The following EXOSC7 variants were observed in gnomAD, a reference collection of about 807,000 sequenced individuals.
EXOSC7 encodes the protein exosome component 7, also known as exosome complex component RRP42.
EXOSC7 carries 25 observed loss-of-function variants against 34.3 expected under a neutral mutation model. The observed-to-expected ratio is 0.73, with a 90% confidence interval of 0.53 to 1.02. EXOSC7 has a LOEUF of 1.02. Among genes scored for constraint, EXOSC7 ranks in the 50% least tolerant of loss-of-function variants. The probability of loss-of-function intolerance (pLI) is 0.00; values close to 1 mark genes in which losing one functional copy is unlikely to be tolerated. For synonymous variants in EXOSC7, 130 were observed against 143.0 expected (o/e 0.91, Z 0.65); for missense variants, 370 against 368.5 (o/e 1.00, Z -0.03).
intron 4 of EXOSC7, among the ~76,000 whole-genome samples, chr3:45,000,331 TAC>T (rs1491189306): frequency 6.6e-6 from 1 of 152,216 alleles, no homozygotes; most frequent in Non-Finnish European, 1.5e-5. Context: ...TGAACAAAAC[TAC>T]AGAGTCCCAG....
chr3:45,003,350 CGT>C (rs1172295091), intron 5 of EXOSC7, among the ~76,000 whole-genome samples: 3 of 16,980 alleles, frequency 1.8e-4, no homozygotes, highest in Non-Finnish European at 2.9e-4. Context: ...TGCGTGCGTG[CGT>C]GTGTGTGTGT....
chr3:44,986,715 C>G (rs545565891), intron 1 of EXOSC7, among the ~76,000 whole-genome samples: 79 of 152,324 alleles, frequency 5.2e-4, no homozygotes, highest in Non-Finnish European at 9.3e-4. Context: ...ACAGGACCTT[C>G]CACCTGATTT....
chr3:44,991,868 A>G (rs1706583322), intron 3 of EXOSC7, among the ~76,000 whole-genome samples: 1 of 152,106 alleles, frequency 6.6e-6, no homozygotes, highest in South Asian at 2.1e-4. Context: ...TTGATTTCTC[A>G]AGATGGACAG....
At chr3:45,005,707 C>T (rs530639870) in intron 6 of EXOSC7, among the ~76,000 whole-genome samples, 1 of 152,258 alleles carries the variant, frequency 6.6e-6, no homozygotes, top group South Asian at 2.1e-4. Context: ...TTCACTAAAG[C>T]ACCATGTCTT....
rs773302886 is a variant in EXOSC7 at position 44,995,128 on chromosome 3, A to G, written c.255-1959A>G. ...CTCCTAAGTAGCTGGGATTACAGGC[A>G]TGTGCCACCACGCCCAGATAATTTT... On this transcript the variant is annotated intron_variant, in intron 3 of 7. Coordinates refer to ENST00000265564, the MANE Select transcript of EXOSC7 (RefSeq NM_015004.4). Among the ~76,000 whole-genome samples the G allele has an allele frequency of 8.5e-4, 129 of 152,188 alleles. 1 individual carries two copies. Among genetic ancestry groups the G allele is most frequent in the Non-Finnish European group, 1.5e-3 (105 of 68,020 alleles).
chr3:44,989,611 C>G lies in EXOSC7; in HGVS notation c.221C>G (p.Pro74Arg), dbSNP rs749140877. The G allele has an allele frequency of 1.9e-6, 3 of 1,613,948 alleles. No individual in the cohort carries two copies. The South Asian group carries it at 3.3e-5, about 18-fold the overall frequency. ...AEMGTPKLEK[P>R]NEGYLEFFVD... is the part of the protein sequence containing the mutation. Reference sequence around the variant, plus strand: ...ATGGGGACGCCGAAGCTGGAGAAACCAAATGAAGGCTACTTGGAGTTCTTT... The same window carrying G: ...ATGGGGACGCCGAAGCTGGAGAAACGAAATGAAGGCTACTTGGAGTTCTTT... Residue 74 changes from proline (P) to arginine (R), a missense_variant, in exon 3 of 8, where the codon CCA (proline) becomes CGA (arginine). Coordinates refer to ENST00000265564, the MANE Select transcript of EXOSC7 (RefSeq NM_015004.4).
chr3:44,982,635 A>C (rs1371416313), intron 1 of EXOSC7, among the ~76,000 whole-genome samples: 1 of 152,152 alleles, frequency 6.6e-6, no homozygotes, highest in Non-Finnish European at 1.5e-5. Context: ...GAAGAGGGAG[A>C]TCAGGGCCTC....
intron 4 of EXOSC7, among the ~76,000 whole-genome samples, chr3:44,998,552 G>A (rs1341990656): frequency 6.6e-6 from 1 of 152,198 alleles, no homozygotes; most frequent in Non-Finnish European, 1.5e-5. Context: ...GGAGATCTGT[G>A]AACTGATGGT....
intron 4 of EXOSC7, among the ~76,000 whole-genome samples, chr3:45,000,980 A>G (rs191154027): frequency 6.6e-6 from 1 of 152,328 alleles, no homozygotes; most frequent in Non-Finnish European, 1.5e-5. Context: ...CCACGTAAGC[A>G]CAGCTATGAC....
At chr3:44,989,736 T>C in intron 3 of EXOSC7, 92 bp downstream of exon 3, 2 of 948,074 alleles carry the variant, frequency 2.1e-6, no homozygotes, top group Non-Finnish European at 3.2e-6. Flanking sequence ...TTGAACCCAC[T>C]TTTATACTTA....
At position 44,979,924 on chromosome 3, in the gene EXOSC7, G is replaced by A. The variant is rs183215638; in HGVS notation, c.57+3590G>A. ...TTCAGGTAGTTCAGGAGACTTTTAT[G>A]ATGGGACTCTAGAGCAGTATGGGGG... On this transcript the variant is annotated intron_variant, in intron 1 of 7. Transcript: ENST00000265564. Among the ~76,000 whole-genome samples, 3 of 152,154 alleles carry A rather than the reference G, an allele frequency of 2.0e-5. No homozygotes were observed. The East Asian group carries it at 5.8e-4, about 29-fold the overall frequency.
intron 4 of EXOSC7, among the ~76,000 whole-genome samples, chr3:44,998,084 G>A (rs528681092): frequency 1.6e-3 from 226 of 144,228 alleles, no homozygotes; most frequent in Non-Finnish European, 2.8e-3. Context: ...CACCCAGGCT[G>A]GAGTGCAATG....
At chr3:44,978,564 G>C (rs919404670) in intron 1 of EXOSC7, among the ~76,000 whole-genome samples, 1 of 152,156 alleles carries the variant, frequency 6.6e-6, no homozygotes, top group African/African-American at 2.4e-5. Flanking sequence ...TGTACTGAAT[G>C]CTATGAAGGA....
At position 44,982,342 on chromosome 3, in the gene EXOSC7, G is replaced by A. The variant is rs113579765; in HGVS notation, c.57+6008G>A. On this transcript the variant is annotated intron_variant, in intron 1 of 7. Transcript: ENST00000265564. ...TGGTCCTGGCTGTTGGGGATGGATG[G>A]TGACTGTTATGTGGCCTTTACAGGG... is the stretch of plus-strand genomic sequence containing the variant. 2.0e-3 allele frequency among the ~76,000 whole-genome samples: 302 copies of A among 152,334 alleles called. 1 individual carries two copies. Among genetic ancestry groups the A allele is most frequent in the African/African-American group, 6.7e-3 (280 of 41,580 alleles).
In EXOSC7 at chr3:44,997,105, T is replaced by C. The variant is rs1279533996; in HGVS notation, c.273T>C (p.Pro91=). 2 of 1,614,028 alleles carry C rather than the reference T, an allele frequency of 1.2e-6. No homozygotes were observed. The highest frequency in any genetic ancestry group is 2.7e-5 in the African/African-American group (2 of 74,926). Reference sequence around the variant, plus strand: ...TGTATAGTTCAGCCAGTGCTACCCCTGAATTTGAAGGTAGAGGAGGTGATG... The same window carrying C: ...TGTATAGTTCAGCCAGTGCTACCCCCGAATTTGAAGGTAGAGGAGGTGATG... The part of the protein sequence containing the change: ...FFVDCSASAT[P]EFEGRGGDDL... Residue 91 remains proline (P), a synonymous_variant, in exon 4 of 8, where the codon CCT becomes CCC. Transcript: ENST00000265564.
At chr3:45,003,948 C>T (rs1417006882) in intron 5 of EXOSC7, among the ~76,000 whole-genome samples, 1 of 152,160 alleles carries the variant, frequency 6.6e-6, no homozygotes, top group Non-Finnish European at 1.5e-5. Context: ...CATTGTGTGA[C>T]TTTGTCCAGT....
At chr3:45,005,545 A>T (rs2125972825) in intron 6 of EXOSC7, 131 bp downstream of exon 6, 1 of 829,316 alleles carries the variant, frequency 1.2e-6, no homozygotes, top group Non-Finnish European at 1.8e-6. Flanking sequence ...CTTTTACCCA[A>T]ATCCAATAAT....
intron 7 of EXOSC7, 116 bp from the exon 8 acceptor site, chr3:45,011,119 G>T: frequency 2.1e-6 from 1 of 477,058 alleles, no homozygotes; most frequent in South Asian, 6.1e-5. Flanking sequence ...GTCCTCTAAG[G>T]CAGATGGAAT....
chr3:44,983,524 C>G (rs978156007), intron 1 of EXOSC7, among the ~76,000 whole-genome samples: 1 of 152,174 alleles, frequency 6.6e-6, no homozygotes, highest in African/African-American at 2.4e-5. Flanking sequence ...GTGGCTGTTT[C>G]CACCACACCA....
Sources: allele counts gnomAD v4.1 joint callset (sites outside exome capture counted in the v4.1 genomes callset), GRCh38; gene constraint gnomAD v4.1.1; transcripts MANE v1.5; gene names NCBI Gene and HGNC (gene_info 2026-07-23, HGNC 2026-07-21).